Variants in LRCH3 observed in about 807,000 individuals in gnomAD.
LRCH3 encodes the protein DISP complex protein LRCH3.
A neutral mutation model predicts 104.5 loss-of-function variants in LRCH3; 68 were observed. That is an observed-to-expected ratio of 0.65 (90% CI 0.54 to 0.80). The LOEUF is 0.80. Among genes scored for constraint, LRCH3 ranks in the 30% least tolerant of loss-of-function variants. The probability of loss-of-function intolerance (pLI) is 0.00; values close to 1 mark genes in which losing one functional copy is unlikely to be tolerated. For synonymous variants in LRCH3, 344 were observed against 361.3 expected (o/e 0.95, Z 0.54); for missense variants, 951 against 953.9 (o/e 1.00, Z 0.04).
intron 15 of LRCH3, 77 bp from the exon 16 acceptor site, chr3:197,865,346 A>G (rs1741359714): frequency 9.3e-7 from 1 of 1,079,478 alleles, no homozygotes. Flanking sequence ...TGTCTTTTAT[A>G]ATTTCAAAAT....
At chr3:197,881,158 G>T (rs779789751) in intron 20 of LRCH3, 3 of 1,014,298 alleles carry the variant, frequency 3.0e-6, no homozygotes, top group South Asian at 4.0e-5. Context: ...CTGCTCACGA[G>T]GAGAACCGTC....
intron 17 of LRCH3, among the ~76,000 whole-genome samples, chr3:197,869,338 AGCG>A: frequency 6.6e-6 from 1 of 151,414 alleles, no homozygotes; most frequent in East Asian, 2.0e-4. Flanking sequence ...GGAAGTAGAA[AGCG>A]GTGCACTGTA....
At chr3:197,850,550 C>T in intron 12 of LRCH3, 1 of 1,589,312 alleles carries the variant, frequency 6.3e-7, no homozygotes, top group Non-Finnish European at 8.5e-7. Flanking sequence ...ATGGGTTAAT[C>T]CGACCATGAG....
At chr3:197,880,908 T>G in intron 20 of LRCH3, 1 of 1,423,540 alleles carries the variant, frequency 7.0e-7, no homozygotes, top group Non-Finnish European at 9.1e-7. Flanking sequence ...TTACGATTGC[T>G]AACAAAGAGT....
chr3:197,791,566 C>T (rs1730505434), intron 1 of LRCH3, 26 bp downstream of exon 1: 4 of 1,513,826 alleles, frequency 2.6e-6, no homozygotes, highest in East Asian at 5.3e-5. Flanking sequence ...GGCGTCTCTG[C>T]CCGTCGGAGA....
chr3:197,867,253 G>A (rs1200936983), intron 17 of LRCH3, among the ~76,000 whole-genome samples: 1 of 151,886 alleles, frequency 6.6e-6, no homozygotes, highest in African/African-American at 2.4e-5. Context: ...CTCCAGTCTG[G>A]GCGGTAGAGT....
chr3:197,827,061 G>C, intron 5 of LRCH3, 47 bp downstream of exon 5: 1 of 1,603,332 alleles, frequency 6.2e-7, no homozygotes, highest in South Asian at 1.1e-5. Context: ...GAAGCATCAG[G>C]TAAACCACGG....
intron 8 of LRCH3, among the ~76,000 whole-genome samples, chr3:197,833,636 A>G (rs1736276466): frequency 6.6e-6 from 1 of 152,220 alleles, no homozygotes; most frequent in Non-Finnish European, 1.5e-5. Flanking sequence ...AAAGCGTGTA[A>G]AATAGTAATA....
rs1239516011 is a variant in LRCH3 at position 197,871,334 on chromosome 3, T to C, written c.2002T>C (p.Tyr668His). The change falls in exon 19 of 21, where the codon TAC becomes CAC. Residue 668 changes from tyrosine (Y) to histidine (H), a missense_variant. Physicochemically the swap from Tyr to His is moderately conservative, Grantham distance 83. Coordinates refer to ENST00000425562, the MANE Select transcript of LRCH3 (RefSeq NM_001365715.1). ...LIDQLRKHIE[Y>H]RLKVSLPCDL... ...TTTTTTGTTCTTTCAGCATATTGAG[T>C]ACCGGTTGAAAGTGTCTCTACCTTG... 1 of 1,613,150 alleles carries C rather than the reference T, an allele frequency of 6.2e-7. No individual in the cohort carries two copies. Among genetic ancestry groups the C allele is most frequent in the African/African-American group, 1.3e-5 (1 of 74,930 alleles).
chr3:197,828,757 G>C (rs1560550172), intron 5 of LRCH3, among the ~76,000 whole-genome samples: 1 of 147,750 alleles, frequency 6.8e-6, no homozygotes, highest in Non-Finnish European at 1.5e-5. Flanking sequence ...GCCCAGGCCG[G>C]AGTGCAATGG....
chr3:197,832,689 T>C (rs900482313), intron 8 of LRCH3, among the ~76,000 whole-genome samples: 24 of 151,968 alleles, frequency 1.6e-4, no homozygotes, highest in African/African-American at 5.8e-4. Context: ...TTAGTCCTTT[T>C]TTTTTTTTTT....
intron 1 of LRCH3, among the ~76,000 whole-genome samples, chr3:197,798,313 A>C (rs1731499394): frequency 6.6e-6 from 1 of 152,210 alleles, no homozygotes; most frequent in Non-Finnish European, 1.5e-5. Context: ...AGATTAAATG[A>C]TATTCTTAAC....
intron 4 of LRCH3, among the ~76,000 whole-genome samples, chr3:197,824,689 A>G (rs621192): frequency 0.78 from 117,409 of 150,244 alleles, 48,354 homozygotes; most frequent in East Asian, 0.99. Context: ...TCTCTGCCTC[A>G]GCCTCCCAAG....
At position 197,854,512 on chromosome 3, in the gene LRCH3, ACTAT is replaced by A; in HGVS notation, c.1644+71_1644+74del. On this transcript the variant is annotated intron_variant, in intron 14 of 20. Coordinates refer to ENST00000425562, the MANE Select transcript of LRCH3 (RefSeq NM_001365715.1). This position sits in a 1 kb window ranked among gnomAD's most constrained non-coding sequence, Gnocchi z 4.5. Reference sequence around the variant, plus strand: ...TAGAGATTGTACTTTTTATTCAGAAACTATCTAAATACCATAAAACATGATGAAC... The same window carrying A: ...TAGAGATTGTACTTTTTATTCAGAAACTAAATACCATAAAACATGATGAAC... 3 of 1,398,686 alleles carry A rather than the reference ACTAT, an allele frequency of 2.1e-6. No individual in the cohort carries two copies. Among genetic ancestry groups the A allele is most frequent in the South Asian group, 1.2e-5 (1 of 86,858 alleles). 86.6% of individuals were successfully genotyped at this position (1,398,686 alleles called of 1,614,324 possible).
intron 5 of LRCH3, among the ~76,000 whole-genome samples, chr3:197,827,475 A>G (rs1029000258): frequency 2.6e-5 from 4 of 152,256 alleles, no homozygotes; most frequent in Admixed American, 1.3e-4. Flanking sequence ...GAAGCATCGC[A>G]TGGACTTTTT....
chr3:197,804,294 A>G (rs1157263906), intron 1 of LRCH3, among the ~76,000 whole-genome samples: 1 of 152,080 alleles, frequency 6.6e-6, no homozygotes, highest in Non-Finnish European at 1.5e-5. Context: ...TGTGGGTGGC[A>G]ATAAGCAAAG....
chr3:197,814,354 A>T (rs1259184619), intron 1 of LRCH3, among the ~76,000 whole-genome samples: 1 of 152,206 alleles, frequency 6.6e-6, no homozygotes, highest in Non-Finnish European at 1.5e-5. Flanking sequence ...TTACCTCTCC[A>T]CTGGGTCCCT....
intron 19 of LRCH3, among the ~76,000 whole-genome samples, chr3:197,872,655 G>A (rs1712354926): frequency 1.3e-5 from 2 of 152,262 alleles, no homozygotes; most frequent in South Asian, 2.1e-4. Context: ...TCAGGAGTTC[G>A]AGACCAGCCT....
intron 15 of LRCH3, 149 bp downstream of exon 15, chr3:197,859,054 C>T: frequency 1.5e-6 from 1 of 655,784 alleles, no homozygotes; most frequent in Non-Finnish European, 2.7e-6. Context: ...CATTGATTTC[C>T]CTTGAAATTT....
Sources: allele counts gnomAD v4.1 joint callset (sites outside exome capture counted in the v4.1 genomes callset), GRCh38; gene constraint gnomAD v4.1.1; non-coding constraint Gnocchi (gnomAD v3.1); transcripts MANE v1.5; gene names NCBI Gene and HGNC (gene_info 2026-07-23, HGNC 2026-07-21).